PRKAG2: variants seen among roughly 807,000 people sequenced by gnomAD.
PRKAG2 encodes the protein 5'-AMP-activated protein kinase subunit gamma-2.
Under a neutral mutation model 69.6 loss-of-function variants are expected in PRKAG2, and 26 were observed. That is an observed-to-expected ratio of 0.37 (90% confidence interval 0.27 to 0.52). The LOEUF is 0.52. PRKAG2 is among the 20% of genes least tolerant of loss of function. The pLI is 0.90. For missense variants in PRKAG2, 557 were observed against 740.0 expected (o/e 0.75, Z 2.87); for synonymous variants, 293 against 285.0 (o/e 1.03, Z -0.28).
At chr7:151,742,308 G>A (rs554901076) in intron 3 of PRKAG2, among the ~76,000 whole-genome samples, 30 of 152,264 alleles carry the variant, frequency 2.0e-4, no homozygotes, top group African/African-American at 5.8e-4. Context: ...TTCATTTTAG[G>A]CTGGGAAATT....
intron 3 of PRKAG2, among the ~76,000 whole-genome samples, chr7:151,767,030 G>A (rs760559924): frequency 6.6e-6 from 1 of 152,208 alleles, no homozygotes; most frequent in Non-Finnish European, 1.5e-5. Flanking sequence ...TGGAGTCAGA[G>A]GGTCCCGTAG....
In PRKAG2 at chr7:151,858,640, G is replaced by C. The variant is rs143812277; in HGVS notation, c.114+17867C>G. Among the ~76,000 whole-genome samples, 472 of 152,308 alleles carry C rather than the reference G, an allele frequency of 3.1e-3. 3 individuals are homozygous for C. The highest frequency in any genetic ancestry group is 0.011 in the African/African-American group (450 of 41,574). ...TGCCTCCTCAATGGTCCTGGACCAT[G>C]GCCATGCCTGACACCATTGCTGCTG... On this transcript the variant is annotated intron_variant, in intron 1 of 15. Coordinates refer to ENST00000287878, the MANE Select transcript of PRKAG2 (RefSeq NM_016203.4).
rs7807749 is a variant in PRKAG2, at chr7:151,849,141, C to T, written c.114+27366G>A. ...TGGTGGAGACCTCGAGAATTCTAAC[C>T]GTGTTGGGGAAACGAAGACGCAGAG... On this transcript the variant is annotated intron_variant, in intron 1 of 15. Transcript: ENST00000287878. 6.3e-3 allele frequency among the ~76,000 whole-genome samples: 966 copies of T among 152,302 alleles called. 14 individuals are homozygous for T. The highest frequency in any genetic ancestry group is 0.02 in the African/African-American group (835 of 41,568).
intron 4 of PRKAG2, among the ~76,000 whole-genome samples, chr7:151,635,256 C>T (rs1242727300): frequency 6.6e-6 from 1 of 152,124 alleles, no homozygotes; most frequent in African/African-American, 2.4e-5. Context: ...TGGTCAGGAA[C>T]CACCACTCTT....
At chr7:151,639,054 A>G (rs1826221215) in intron 4 of PRKAG2, among the ~76,000 whole-genome samples, 1 of 152,152 alleles carries the variant, frequency 6.6e-6, no homozygotes, top group Non-Finnish European at 1.5e-5. Flanking sequence ...TTCTCCAGGC[A>G]GCTCCAACCC....
At position 151,632,009 on chromosome 7, in the gene PRKAG2, C is replaced by T. The variant is rs866132847; in HGVS notation, c.754+60G>A. On this transcript the variant is annotated intron_variant, in intron 5 of 15. Transcript: ENST00000287878. The surrounding 1 kb of genome is among the most constrained non-coding windows in gnomAD (Gnocchi z 4.2). ...TGGGGCGCGGGGTCCCCGCGGGTCC[C>T]GGTCCTCGGGCGGCCGGGCCGTGGG... 5.8e-5 allele frequency: 70 copies of T among 1,201,212 alleles called. No homozygotes were observed. The highest frequency in any genetic ancestry group is 6.3e-4 in the Middle Eastern group (2 of 3,166). 74.4% of individuals were successfully genotyped at this position (1,201,212 alleles called of 1,614,324 possible). A position where few individuals can be genotyped will look rare whatever the true frequency, so the allele number is the denominator to read the frequency against.
chr7:151,722,921 C>T (rs1797349608), intron 3 of PRKAG2, among the ~76,000 whole-genome samples: 1 of 152,164 alleles, frequency 6.6e-6, no homozygotes, highest in Non-Finnish European at 1.5e-5. Flanking sequence ...AGCCCCACAA[C>T]CACATCCTTG....
intron 3 of PRKAG2, among the ~76,000 whole-genome samples, chr7:151,697,192 G>A (rs944577795): frequency 6.6e-6 from 1 of 152,174 alleles, no homozygotes; most frequent in Non-Finnish European, 1.5e-5. Flanking sequence ...TGGGGAACGG[G>A]GGGTGGTGTG....
rs1184782673 is a variant in PRKAG2 at position 151,773,042 on chromosome 7, A to G, written c.466+8110T>C. 6.3e-3 allele frequency among the ~76,000 whole-genome samples: 209 copies of G among 32,922 alleles called. 9 individuals carry two copies. Among genetic ancestry groups the G allele is most frequent in the African/African-American group, 0.022 (196 of 8,966 alleles). 21.6% of individuals were successfully genotyped at this position (32,922 alleles called of 152,430 possible). A position where few individuals can be genotyped will look rare whatever the true frequency, so the allele number is the denominator to read the frequency against. On this transcript the variant is annotated intron_variant, in intron 3 of 15. Coordinates refer to ENST00000287878, the MANE Select transcript of PRKAG2 (RefSeq NM_016203.4). ...GAAAGAAAGAGAGAGAGAGAGAGAGAGAGAGAGAGAGGGAGGGAGGGAGGG... is the reference window on the plus strand; with the variant it reads ...GAAAGAAAGAGAGAGAGAGAGAGAGGGAGAGAGAGAGGGAGGGAGGGAGGG...
chr7:151,563,458 TATC>T lies in PRKAG2; in HGVS notation c.1584+617_1584+619del, dbSNP rs535072752. Among the ~76,000 whole-genome samples, 101 of 152,368 alleles carry T rather than the reference TATC, an allele frequency of 6.6e-4. 1 individual carries two copies. The Middle Eastern group carries it at 0.021, about 31-fold the overall frequency. On this transcript the variant is annotated intron_variant, in intron 14 of 15. Coordinates refer to ENST00000287878, the MANE Select transcript of PRKAG2 (RefSeq NM_016203.4). ...AAGAGAGAAAAAAGTTTTACTGACTTATCATTCACTTTGTTAAAATATATATTA... is the reference window on the plus strand; with the variant it reads ...AAGAGAGAAAAAAGTTTTACTGACTTATTCACTTTGTTAAAATATATATTA...
rs1563689738 is a variant in PRKAG2, at chr7:151,795,881, ATATATATAT to A, written c.115-9349_115-9341del. 1.0e-3 allele frequency among the ~76,000 whole-genome samples: 120 copies of A among 117,060 alleles called. 2 individuals carry two copies. The highest frequency in any genetic ancestry group is 4.1e-3 in the Middle Eastern group (1 of 244). The allele number at this position is 117,060 out of a possible 152,430, so 76.8% of individuals were successfully genotyped here. A position where few individuals can be genotyped will look rare whatever the true frequency, so the allele number is the denominator to read the frequency against. On this transcript the variant is annotated intron_variant, in intron 1 of 15. Transcript: ENST00000287878. ...TATATATATATATATATATATATAT[ATATATATAT>A]CACGATAATATGTATATGTAATCAT... is the stretch of plus-strand genomic sequence containing the variant.
At position 151,719,211 on chromosome 7, in the gene PRKAG2, G is replaced by A. The variant is rs1323608102; in HGVS notation, c.467-43574C>T. Among the ~76,000 whole-genome samples, 1 of 152,176 alleles carries A rather than the reference G, an allele frequency of 6.6e-6. No individual in the cohort carries two copies. The highest frequency in any genetic ancestry group is 2.1e-4 in the South Asian group (1 of 4,784). On this transcript the variant is annotated intron_variant, in intron 3 of 15. Transcript: ENST00000287878. This position sits in a 1 kb window ranked among gnomAD's most constrained non-coding sequence, Gnocchi z 5.2. Reference sequence around the variant, plus strand: ...AGACAGAAAGCCCCATGGCAGAAGGGAGAGAGGTCCTGCCCCACTCCCGGT... The same window carrying A: ...AGACAGAAAGCCCCATGGCAGAAGGAAGAGAGGTCCTGCCCCACTCCCGGT...
chr7:151,559,929 G>A (rs1040014425), intron 15 of PRKAG2: 1 of 985,156 alleles, frequency 1.0e-6, no homozygotes, highest in African/African-American at 1.7e-5. Context: ...TGAGAGGAAG[G>A]CCAGCTCCTC....
intron 10 of PRKAG2, among the ~76,000 whole-genome samples, chr7:151,569,856 C>T (rs1306589499): frequency 6.6e-6 from 1 of 152,138 alleles, no homozygotes; most frequent in Non-Finnish European, 1.5e-5. Flanking sequence ...TATTCCTGGG[C>T]CCTATCCTGA....
chr7:151,611,756 T>TA (rs1307710715), intron 5 of PRKAG2, among the ~76,000 whole-genome samples: 1 of 152,022 alleles, frequency 6.6e-6, no homozygotes, highest in Non-Finnish European at 1.5e-5. Flanking sequence ...ATTAAGATGG[T>TA]AAAAAAGCAG....
At chr7:151,640,002 A>G (rs1422194806) in intron 4 of PRKAG2, among the ~76,000 whole-genome samples, 1 of 152,168 alleles carries the variant, frequency 6.6e-6, no homozygotes, top group Non-Finnish European at 1.5e-5. Context: ...CTGACTGATA[A>G]GAGTGACATT....
At position 151,768,843 on chromosome 7, in the gene PRKAG2, C is replaced by A. The variant is rs532703855; in HGVS notation, c.466+12309G>T. Among the ~76,000 whole-genome samples the A allele has an allele frequency of 7.3e-5, 11 of 151,444 alleles. No homozygotes were observed. The South Asian group carries it at 2.2e-3, about 30-fold the overall frequency. Reference sequence around the variant, plus strand: ...ACTAAGTCAATGGACAAGGACAGCCCGTGCCTGAAGAAACAGCGACTCTGT... The same window carrying A: ...ACTAAGTCAATGGACAAGGACAGCCAGTGCCTGAAGAAACAGCGACTCTGT... On this transcript the variant is annotated intron_variant, in intron 3 of 15. Coordinates refer to ENST00000287878, the MANE Select transcript of PRKAG2 (RefSeq NM_016203.4).
chr7:151,836,981 G>T lies in PRKAG2; in HGVS notation c.114+39526C>A, dbSNP rs2079161881. ...GCCAGACTGCCAATGTTTATTTGAG[G>T]CTATTTGTTTAAATTCAACTTGAAC... On this transcript the variant is annotated intron_variant, in intron 1 of 15. Transcript: ENST00000287878. This position sits in a 1 kb window ranked among gnomAD's most constrained non-coding sequence, Gnocchi z 4.1. 6.6e-6 allele frequency among the ~76,000 whole-genome samples: 1 copy of T among 151,938 alleles called. No homozygotes were observed.
intron 5 of PRKAG2, among the ~76,000 whole-genome samples, chr7:151,617,947 A>G (rs1474695968): frequency 6.6e-6 from 1 of 152,180 alleles, no homozygotes; most frequent in Non-Finnish European, 1.5e-5. Flanking sequence ...CTTTTTAGAA[A>G]ACTGTTAAAA....
Sources: allele counts gnomAD v4.1 joint callset (sites outside exome capture counted in the v4.1 genomes callset), GRCh38; gene constraint gnomAD v4.1.1; non-coding constraint Gnocchi (gnomAD v3.1); transcripts MANE v1.5; gene names NCBI Gene and HGNC (gene_info 2026-07-23, HGNC 2026-07-21).